Variants in COL23A1 observed in about 807,000 individuals in gnomAD.
The protein encoded by COL23A1 is collagen type XXIII alpha 1 chain, also known as collagen alpha-1(XXIII) chain.
COL23A1 carries 97 observed loss-of-function variants against 99.3 expected under a neutral mutation model. That is an observed-to-expected ratio of 0.98 (90% CI 0.83 to 1.16). The LOEUF (loss-of-function observed/expected upper bound fraction) is 1.16. Among genes scored for constraint, COL23A1 ranks in the 50% most tolerant of loss-of-function variants. The probability of loss-of-function intolerance (pLI) is 0.00; values close to 1 mark genes in which losing one functional copy is unlikely to be tolerated. For synonymous variants in COL23A1, 320 were observed against 308.2 expected (o/e 1.04, Z -0.40); for missense variants, 762 against 757.4 (o/e 1.01, Z -0.07).
chr5:178,253,849 G>A lies in COL23A1; in HGVS notation c.960+1100C>T, dbSNP rs377765837. ...TGCCCGCTGCCCATCAAACTGAGTC[G>A]GCATCTCAGTCTGGCATCCAAAGTC... On this transcript the variant is annotated intron_variant, in intron 16 of 28. Transcript: ENST00000390654. Among the ~76,000 whole-genome samples, 429 of 152,110 alleles carry A rather than the reference G, an allele frequency of 2.8e-3. 1 individual carries two copies. Among genetic ancestry groups the A allele is most frequent in the African/African-American group, 9.8e-3 (407 of 41,532 alleles).
chr5:178,327,378 A>G (rs1759746460), intron 2 of COL23A1, among the ~76,000 whole-genome samples: 1 of 152,300 alleles, frequency 6.6e-6, no homozygotes, highest in Non-Finnish European at 1.5e-5. Flanking sequence ...TGGGTACAGA[A>G]GGGGCTACGG....
intron 2 of COL23A1, among the ~76,000 whole-genome samples, chr5:178,382,155 T>A (rs562076017): frequency 1.3e-4 from 20 of 152,232 alleles, no homozygotes; most frequent in African/African-American, 4.8e-4. Context: ...GTTTCTCAGC[T>A]GAGAGGCCGA....
chr5:178,247,334 G>T (rs931502902), intron 22 of COL23A1, among the ~76,000 whole-genome samples, 192 bp downstream of exon 22: 1 of 152,164 alleles, frequency 6.6e-6, no homozygotes, highest in African/African-American at 2.4e-5. Flanking sequence ...CCTCAAGGGT[G>T]GAGAGGGGGG....
At chr5:178,300,064 A>G (rs76145689) in intron 3 of COL23A1, among the ~76,000 whole-genome samples, 3,774 of 147,468 alleles carry the variant, frequency 0.026, 59 homozygotes, top group Non-Finnish European at 0.04. Flanking sequence ...ACTCTCCTTC[A>G]ATTTTTTTCT....
intron 2 of COL23A1, among the ~76,000 whole-genome samples, chr5:178,497,459 G>A (rs1562024708): frequency 1.3e-5 from 2 of 152,164 alleles, no homozygotes; most frequent in Non-Finnish European, 2.9e-5. Context: ...CACAAATGAT[G>A]GTCAAGCAAT....
At chr5:178,443,559 CA>C (rs1766998360) in intron 2 of COL23A1, among the ~76,000 whole-genome samples, 1 of 152,142 alleles carries the variant, frequency 6.6e-6, no homozygotes, top group African/African-American at 2.4e-5. Context: ...CTCCCAGGTT[CA>C]AGTGATTCTT....
chr5:178,251,362 C>G (rs139890083), intron 17 of COL23A1, among the ~76,000 whole-genome samples: 1 of 152,012 alleles, frequency 6.6e-6, no homozygotes, highest in South Asian at 2.1e-4. Flanking sequence ...ATCTGGTCAG[C>G]TGGATACATT....
chr5:178,267,458 C>G (rs1755969284), intron 7 of COL23A1, 125 bp from the exon 8 acceptor site: 1 of 937,628 alleles, frequency 1.1e-6, no homozygotes, highest in Admixed American at 2.8e-5. Context: ...AAATAGCAGG[C>G]AGGCCCTATT....
chr5:178,259,630 CAT>C, intron 12 of COL23A1, 89 bp downstream of exon 12: 9 of 1,221,500 alleles, frequency 7.4e-6, no homozygotes, highest in Non-Finnish European at 1.0e-5. Context: ...ATCCCGTCCC[CAT>C]CCCCATCCCC....
intron 2 of COL23A1, among the ~76,000 whole-genome samples, chr5:178,462,696 C>CA (rs932591120): frequency 6.6e-6 from 1 of 152,188 alleles, no homozygotes; most frequent in South Asian, 2.1e-4. Context: ...ACAACAAAAA[C>CA]AAAAAAATCA....
At chr5:178,548,246 C>T (rs1053778153) in intron 2 of COL23A1, among the ~76,000 whole-genome samples, 18 of 151,654 alleles carry the variant, frequency 1.2e-4, no homozygotes, top group African/African-American at 4.4e-4. Flanking sequence ...CCACTCCGGC[C>T]GGGCCCTGCA....
intron 2 of COL23A1, among the ~76,000 whole-genome samples, chr5:178,405,959 C>T (rs1318495552): frequency 6.6e-6 from 1 of 152,064 alleles, no homozygotes; most frequent in African/African-American, 2.4e-5. Flanking sequence ...AACAATTAGC[C>T]AGGCATGGTG....
intron 2 of COL23A1, among the ~76,000 whole-genome samples, chr5:178,519,078 G>T (rs1759795814): frequency 6.6e-6 from 1 of 151,918 alleles, no homozygotes; most frequent in Non-Finnish European, 1.5e-5. Context: ...ACCATGGCCG[G>T]ACGGGCTCCC....
intron 2 of COL23A1, among the ~76,000 whole-genome samples, chr5:178,363,648 A>G (rs1258794142): frequency 6.6e-6 from 1 of 152,166 alleles, no homozygotes; most frequent in African/African-American, 2.4e-5. Context: ...ACAGTCCCAC[A>G]GGAGCGCCCC....
chr5:178,444,700 G>A (rs1767063006), intron 2 of COL23A1, among the ~76,000 whole-genome samples: 1 of 152,204 alleles, frequency 6.6e-6, no homozygotes, highest in African/African-American at 2.4e-5. Context: ...GGAGGCTGAG[G>A]CAGGAGAATT....
At chr5:178,406,428 C>CTTTTT (rs61274419) in intron 2 of COL23A1, among the ~76,000 whole-genome samples, 7 of 142,036 alleles carry the variant, frequency 4.9e-5, no homozygotes, top group Non-Finnish European at 6.1e-5. Context: ...TACCTACACT[C>CTTTTT]TTTTTTTTTT....
chr5:178,391,882 C>T (rs1290679822), intron 2 of COL23A1, among the ~76,000 whole-genome samples: 1 of 119,656 alleles, frequency 8.4e-6, no homozygotes, highest in Admixed American at 8.9e-5. Context: ...TACAATGAAA[C>T]ATTATTTGAG....
At chr5:178,342,913 C>T (rs1760749395) in intron 2 of COL23A1, among the ~76,000 whole-genome samples, 1 of 152,182 alleles carries the variant, frequency 6.6e-6, no homozygotes, top group Admixed American at 6.5e-5. Context: ...TAAAAGTCCC[C>T]AGAGAGCAGA....
At chr5:178,543,397 G>A (rs1280186764) in intron 2 of COL23A1, among the ~76,000 whole-genome samples, 1 of 152,176 alleles carries the variant, frequency 6.6e-6, no homozygotes, top group South Asian at 2.1e-4. Context: ...GTGAGCCACC[G>A]CGCCTGACCT....
Sources: gnomAD v4.1 joint callset for allele counts (sites outside exome capture counted in the v4.1 genomes callset) on GRCh38, gnomAD v4.1.1 for gene constraint, MANE v1.5 for transcripts, NCBI Gene and HGNC (gene_info 2026-07-23, HGNC 2026-07-21) for gene names.